Variants in PLCL2 observed in about 807,000 individuals in gnomAD.
PLCL2 encodes the protein phospholipase C like 2.
In PLCL2, 4 loss-of-function variants were observed where a neutral mutation model predicts 79.6. The ratio of observed to expected loss-of-function variants is 0.05; its 90% CI spans 0.02 to 0.11. The LOEUF is 0.11. Among genes scored for constraint, PLCL2 ranks in the 10% least tolerant of loss-of-function variants. The pLI, the probability that PLCL2 is intolerant of heterozygous loss-of-function variation, is 1.00. For synonymous variants in PLCL2, 484 were observed against 457.7 expected (o/e 1.06, Z -0.73); for missense variants, 895 against 1,291.0 (o/e 0.69, Z 4.70).
chr3:17,038,219 T>C lies in PLCL2; in HGVS notation c.3019-4655T>C, dbSNP rs1013583404. On this transcript the variant is annotated intron_variant, in intron 3 of 5. Transcript: ENST00000615277. ...TCCAAACACTTTAGTTCCAGAAATGTAGGAGGTACTGGTAACAGGCCAGTG... is the reference window on the plus strand; with the variant it reads ...TCCAAACACTTTAGTTCCAGAAATGCAGGAGGTACTGGTAACAGGCCAGTG... 2.0e-5 allele frequency among the ~76,000 whole-genome samples: 3 copies of C among 152,126 alleles called. No homozygotes were observed. In the East Asian group the frequency reaches 5.8e-4, roughly 29 times the overall value.
At chr3:16,904,308 A>G (rs1696700726) in intron 1 of PLCL2, among the ~76,000 whole-genome samples, 1 of 150,214 alleles carries the variant, frequency 6.7e-6, no homozygotes, top group Non-Finnish European at 1.5e-5. Context: ...GATCTTGACA[A>G]AAAAAAAAAG....
chr3:16,960,786 ATAT>A, intron 1 of PLCL2, among the ~76,000 whole-genome samples: 1 of 152,226 alleles, frequency 6.6e-6, no homozygotes, highest in East Asian at 1.9e-4. Context: ...TTCCTAAAAA[ATAT>A]TATAGGCTCC....
chr3:17,014,744 T>G lies in PLCL2; in HGVS notation c.2851T>G (p.Ser951Ala). ...GTCATTCAAGGAGCTGTGTGGCCTC[T>G]CCTCTGTGGCCAATCTCATGCAGTG... ...VVSFKELCGL[S>A]SVANLMQCML... Residue 951 changes from serine (S) to alanine (A), a missense_variant, in exon 3 of 6, where the codon TCC becomes GCC. Ser to Ala is a moderately conservative substitution (Grantham distance 99, BLOSUM62 1). This residue lies in a region of PLCL2 where 298 missense variants were observed against 459.6 expected (regional missense o/e 0.65). Transcript: ENST00000615277. 6.2e-7 allele frequency: 1 copy of G among 1,614,062 alleles called. No homozygotes were observed. The highest frequency in any genetic ancestry group is 8.5e-7 in the Non-Finnish European group (1 of 1,179,940).
intron 3 of PLCL2, among the ~76,000 whole-genome samples, chr3:17,034,028 T>C (rs1160497736): frequency 6.6e-6 from 1 of 152,186 alleles, no homozygotes; most frequent in Middle Eastern, 3.2e-3. Flanking sequence ...CCTTGAATAA[T>C]GTCATTTTGT....
At chr3:16,909,901 T>A (rs1696836526) in intron 1 of PLCL2, among the ~76,000 whole-genome samples, 1 of 152,160 alleles carries the variant, frequency 6.6e-6, no homozygotes, top group East Asian at 1.9e-4. Context: ...TGATTACCAT[T>A]ATTGTTATTT....
intron 1 of PLCL2, among the ~76,000 whole-genome samples, chr3:16,984,534 A>C (rs1047949450): frequency 2.6e-5 from 4 of 152,268 alleles, no homozygotes; most frequent in African/African-American, 9.6e-5. Context: ...AATCTCTGTA[A>C]ATTAGAAAAT....
At chr3:17,023,147 C>T (rs2064474508) in intron 3 of PLCL2, among the ~76,000 whole-genome samples, 1 of 152,152 alleles carries the variant, frequency 6.6e-6, no homozygotes, top group Non-Finnish European at 1.5e-5. Flanking sequence ...TTTCCCAGCT[C>T]CAACATGAGT....
intron 1 of PLCL2, among the ~76,000 whole-genome samples, chr3:16,964,542 G>A (rs2063786379): frequency 6.6e-6 from 1 of 152,100 alleles, no homozygotes; most frequent in Non-Finnish European, 1.5e-5. Context: ...CCCAGTAATG[G>A]GATGGCTGGG....
chr3:17,056,329 G>A (rs543076595), intron 4 of PLCL2, among the ~76,000 whole-genome samples: 15 of 152,172 alleles, frequency 9.9e-5, no homozygotes, highest in Admixed American at 7.2e-4. Context: ...ATACACACAT[G>A]TATGTGTGTA....
intron 1 of PLCL2, among the ~76,000 whole-genome samples, chr3:16,979,094 C>T (rs2063954636): frequency 6.6e-6 from 1 of 152,138 alleles, no homozygotes; most frequent in Non-Finnish European, 1.5e-5. Context: ...CCATTCTAAG[C>T]CCAAGTAGGG....
intron 4 of PLCL2, among the ~76,000 whole-genome samples, chr3:17,066,581 A>T (rs1164889931): frequency 6.6e-6 from 1 of 152,256 alleles, no homozygotes; most frequent in East Asian, 1.9e-4. Context: ...TAAAATTTAC[A>T]ACAGTTCTAA....
intron 1 of PLCL2, among the ~76,000 whole-genome samples, chr3:16,938,382 A>G (rs1380330313): frequency 6.6e-6 from 1 of 152,210 alleles, no homozygotes; most frequent in Non-Finnish European, 1.5e-5. Flanking sequence ...ATAGAAAACA[A>G]GAGTTCGGAA....
At chr3:16,913,862 A>G (rs2124929728) in intron 1 of PLCL2, among the ~76,000 whole-genome samples, 1 of 152,328 alleles carries the variant, frequency 6.6e-6, no homozygotes, top group South Asian at 2.1e-4. Flanking sequence ...TTTTGCTCCT[A>G]TTATGAATAA....
intron 3 of PLCL2, among the ~76,000 whole-genome samples, chr3:17,022,233 C>T (rs1232749383): frequency 2.6e-5 from 4 of 152,126 alleles, no homozygotes; most frequent in South Asian, 2.1e-4. Context: ...CTATGCTTTA[C>T]GCAAAAGAAT....
intron 1 of PLCL2, among the ~76,000 whole-genome samples, chr3:16,910,959 G>A (rs1033210425): frequency 1.3e-5 from 2 of 152,060 alleles, no homozygotes; most frequent in African/African-American, 4.8e-5. Context: ...TCCCAATGTA[G>A]AATTTGTAAT....
chr3:17,056,315 A>T (rs2064892253), intron 4 of PLCL2, among the ~76,000 whole-genome samples: 1 of 152,194 alleles, frequency 6.6e-6, no homozygotes, highest in African/African-American at 2.4e-5. Context: ...AGAAGGTTAT[A>T]TATATACACA....
intron 5 of PLCL2, among the ~76,000 whole-genome samples, chr3:17,078,128 G>A (rs2065125808): frequency 6.6e-6 from 1 of 152,192 alleles, no homozygotes; most frequent in Non-Finnish European, 1.5e-5. Flanking sequence ...CTTGTATTAA[G>A]TGTCCTTGGA....
intron 5 of PLCL2, among the ~76,000 whole-genome samples, chr3:17,068,976 G>T (rs2065035379): frequency 6.6e-6 from 1 of 152,170 alleles, no homozygotes; most frequent in Admixed American, 6.5e-5. Flanking sequence ...ATGCTCAGCT[G>T]AATTTGTAGG....
intron 3 of PLCL2, among the ~76,000 whole-genome samples, chr3:17,036,217 G>A (rs1352531368): frequency 6.6e-6 from 1 of 152,160 alleles, no homozygotes; most frequent in African/African-American, 2.4e-5. Context: ...GAGATGGAAA[G>A]GGGAGCTGGG....
Sources: allele counts gnomAD v4.1 joint callset (sites outside exome capture counted in the v4.1 genomes callset), GRCh38; gene constraint gnomAD v4.1.1; regional missense constraint gnomAD v4.1.1; transcripts MANE v1.5; gene names NCBI Gene and HGNC (gene_info 2026-07-23, HGNC 2026-07-21).